RAP1GAP: variants seen among roughly 807,000 people sequenced by gnomAD.
RAP1GAP encodes the protein rap1 GTPase-activating protein 1.
Under a neutral mutation model 87.2 loss-of-function variants are expected in RAP1GAP, and 35 were observed. The ratio of observed to expected loss-of-function variants is 0.40; its 90% CI spans 0.31 to 0.53. The LOEUF is 0.53. Among genes scored for constraint, RAP1GAP ranks in the 20% least tolerant of loss-of-function variants. The pLI, the probability that RAP1GAP is intolerant of heterozygous loss-of-function variation, is 0.48. For missense variants in RAP1GAP, 734 were observed against 898.9 expected (o/e 0.82, Z 2.35); for synonymous variants, 375 against 363.9 (o/e 1.03, Z -0.35).
chr1:21,651,969 G>C (rs1364730332), intron 1 of RAP1GAP: 5 of 614,256 alleles, frequency 8.1e-6, no homozygotes, highest in Non-Finnish European at 1.0e-5. Flanking sequence ...TCCAGCTGCC[G>C]GGGGCCGCCG....
At chr1:21,611,372 T>C in intron 13 of RAP1GAP, 80 bp downstream of exon 13, 1 of 1,517,990 alleles carries the variant, frequency 6.6e-7, no homozygotes, top group Non-Finnish European at 8.9e-7. Context: ...GCGCTGAGCC[T>C]GGCGTGATGG....
Position 21,649,803 on chromosome 1 carries a change from CACA to C in RAP1GAP, c.-148-10_-148-8del, listed in dbSNP as rs1476368292. On this transcript the variant is annotated splice_polypyrimidine_tract_variant and splice_region_variant and intron_variant, in intron 1 of 24. Coordinates refer to ENST00000374765, the MANE Select transcript of RAP1GAP (RefSeq NM_002885.4). ...AGTGAAGGACTTGTCCACCCTGAAA[CACA>C]ACAAGAGGGGCCATAGGTGAGGGGA... is the stretch of plus-strand genomic sequence containing the variant. 9 of 1,551,960 alleles carry C rather than the reference CACA, an allele frequency of 5.8e-6. No individual in the cohort carries two copies. Among genetic ancestry groups the C allele is most frequent in the East Asian group, 2.4e-5 (1 of 40,938 alleles).
At chr1:21,646,878 C>A (rs545104261) in intron 2 of RAP1GAP, among the ~76,000 whole-genome samples, 2 of 152,208 alleles carry the variant, frequency 1.3e-5, no homozygotes, top group African/African-American at 4.8e-5. Flanking sequence ...CCACTGCAGA[C>A]AACCTGCTGA....
rs867980610 is a variant in RAP1GAP, at chr1:21,625,838, A to C, written c.-19+466T>G. ...CTTGGCATGAAGCAGGTACTGGGCA[A>C]ACGTTTGATTTTAACGATAATGATA... On this transcript the variant is annotated intron_variant, in intron 3 of 24. Coordinates refer to ENST00000374765, the MANE Select transcript of RAP1GAP (RefSeq NM_002885.4). Among the ~76,000 whole-genome samples the C allele has an allele frequency of 4.6e-5, 7 of 152,266 alleles. No individual in the cohort carries two copies. The South Asian group carries it at 1.5e-3, about 32-fold the overall frequency.
chr1:21,626,037 G>A (rs2091895396), intron 3 of RAP1GAP, among the ~76,000 whole-genome samples: 1 of 152,166 alleles, frequency 6.6e-6, no homozygotes, highest in African/African-American at 2.4e-5. Context: ...AAGATAGCTG[G>A]GGGGCTGGTT....
chr1:21,613,791 G>C lies in RAP1GAP; in HGVS notation c.396-85C>G, dbSNP rs1558685591. The C allele has an allele frequency of 2.2e-6, 3 of 1,375,928 alleles. No homozygotes were observed. In the East Asian group the frequency reaches 6.9e-5, roughly 31 times the overall value. 85.2% of individuals were successfully genotyped at this position (1,375,928 alleles called of 1,614,324 possible). On this transcript the variant is annotated intron_variant, in intron 8 of 24. Coordinates refer to ENST00000374765, the MANE Select transcript of RAP1GAP (RefSeq NM_002885.4). This position sits in a 1 kb window ranked among gnomAD's most constrained non-coding sequence, Gnocchi z 4.7. ...CACCCCCCACAAAGTAAGGCCAGAA[G>C]GGGGTGGACCACAGCGAGGACCAGA...
At position 21,598,458 on chromosome 1, in the gene RAP1GAP, G is replaced by A. The variant is rs745795141; in HGVS notation, c.1821C>T (p.Phe607=). Residue 607 remains phenylalanine (F), a synonymous_variant, in exon 22 of 25, where the codon TTC becomes TTT. Coordinates refer to ENST00000374765, the MANE Select transcript of RAP1GAP (RefSeq NM_002885.4). ...TGTCCTCCAGCCACGTGCTATAGATGAAGGAGTCCCGCTTGTGGGGTGTTC... is the reference window on the plus strand; with the variant it reads ...TGTCCTCCAGCCACGTGCTATAGATAAAGGAGTCCCGCTTGTGGGGTGTTC... ...SSGTPHKRDS[F]IYSTWLEDSV... 1 of 1,613,932 alleles carries A rather than the reference G, an allele frequency of 6.2e-7. No homozygotes were observed. Among genetic ancestry groups the A allele is most frequent in the African/African-American group, 1.3e-5 (1 of 74,916 alleles).
At chr1:21,612,404 A>G (rs947334) in intron 10 of RAP1GAP, among the ~76,000 whole-genome samples, 136,331 of 152,092 alleles carry the variant, frequency 0.9, 61,144 homozygotes, top group East Asian at 0.97. Flanking sequence ...TGTGAGCCCC[A>G]GTCCTGCCAT....
chr1:21,617,391 G>A lies in RAP1GAP; in HGVS notation c.206C>T (p.Thr69Ile), dbSNP rs2082942154. 6.2e-7 allele frequency: 1 copy of A among 1,603,312 alleles called. No individual in the cohort carries two copies. The highest frequency in any genetic ancestry group is 8.5e-7 in the Non-Finnish European group (1 of 1,175,156). Residue 69 changes from threonine (T) to isoleucine (I), a missense_variant, in exon 7 of 25, where the codon ACA becomes ATA. Coordinates refer to ENST00000374765, the MANE Select transcript of RAP1GAP (RefSeq NM_002885.4). ...GGTTGTGGGCGACTGCAGTGGCTCT[G>A]TCTCGGGGATGCTGGTGATTTCGTG... ...TNHEITSIPETEPLQSPTTKV... is the reference protein window; with the variant it reads ...TNHEITSIPEIEPLQSPTTKV...
intron 17 of RAP1GAP, among the ~76,000 whole-genome samples, chr1:21,607,034 C>G (rs1164781124): frequency 6.6e-6 from 1 of 152,238 alleles, no homozygotes; most frequent in East Asian, 1.9e-4. Flanking sequence ...CTGGGCAGGC[C>G]TGGGCAGCCG....
chr1:21,639,170 G>T (rs543997367), intron 2 of RAP1GAP, among the ~76,000 whole-genome samples: 2 of 152,364 alleles, frequency 1.3e-5, no homozygotes, highest in South Asian at 4.1e-4. Context: ...TCCTAGCGCG[G>T]GCTCCATGCC....
Position 21,599,516 on chromosome 1 carries a change from A to C in RAP1GAP, c.1754T>G (p.Val585Gly), listed in dbSNP as rs753144046. 3.7e-6 allele frequency: 6 copies of C among 1,609,434 alleles called. No homozygotes were observed. Among genetic ancestry groups the C allele is most frequent in the Non-Finnish European group, 4.2e-6 (5 of 1,179,926 alleles). Residue 585 changes from valine (V) to glycine (G), a missense_variant, in exon 21 of 25, where the codon GTG becomes GGG. Around this residue, in one of 2 missense-constraint regions of RAP1GAP, gnomAD observed 249 missense variants for 252.7 expected, o/e 0.99. Coordinates refer to ENST00000374765, the MANE Select transcript of RAP1GAP (RefSeq NM_002885.4). ...CACCAGGCCTGTGTCCTCTCCGTCC[A>C]CACCCTCCGTCTCCTCCACCACGCT... Reference protein sequence around the residue: ...FASVVEETEGVDGEDTGLESV... With the variant: ...FASVVEETEGGDGEDTGLESV...
chr1:21,666,107 A>G (rs710948), intron 1 of RAP1GAP, among the ~76,000 whole-genome samples: 146,099 of 152,266 alleles, frequency 0.96, 70,116 homozygotes, highest in South Asian at 0.98. Context: ...CCGAGGGAGC[A>G]TGGTGGAGCT....
chr1:21,666,075 T>G (rs931252), intron 1 of RAP1GAP, among the ~76,000 whole-genome samples: 1 of 152,078 alleles, frequency 6.6e-6, no homozygotes, highest in African/African-American at 2.4e-5. Flanking sequence ...GAATCAGCAC[T>G]CTGGCAGGCT....
chr1:21,656,981 C>T (rs1477389729), intron 1 of RAP1GAP, among the ~76,000 whole-genome samples: 4 of 152,210 alleles, frequency 2.6e-5, no homozygotes, highest in African/African-American at 9.7e-5. Flanking sequence ...GTATTGAGCA[C>T]CCACTGTGTG....
In RAP1GAP at chr1:21,669,352, C is replaced by T. The variant is rs1001100162; in HGVS notation, c.-247G>A. 8.5e-6 allele frequency: 9 copies of T among 1,064,032 alleles called. No individual in the cohort carries two copies. Among genetic ancestry groups the T allele is most frequent in the African/African-American group, 1.7e-5 (1 of 57,602 alleles). 65.9% of individuals were successfully genotyped at this position (1,064,032 alleles called of 1,614,324 possible). A position where few individuals can be genotyped will look rare whatever the true frequency, so the allele number is the denominator to read the frequency against. On this transcript the variant is annotated 5_prime_UTR_variant, in exon 1 of 25. Coordinates refer to ENST00000374765, the MANE Select transcript of RAP1GAP (RefSeq NM_002885.4). The surrounding 1 kb of genome is among the most constrained non-coding windows in gnomAD (Gnocchi z 5.6). ...ATGCGGCCGGCGCTCGCCGCCGCCGCAGTTCGGGGAGGGGGACGTCACATG... is the reference window on the plus strand; with the variant it reads ...ATGCGGCCGGCGCTCGCCGCCGCCGTAGTTCGGGGAGGGGGACGTCACATG...
intron 4 of RAP1GAP, 71 bp from the exon 5 acceptor site, chr1:21,619,143 G>A (rs377428435): frequency 1.1e-4 from 160 of 1,483,566 alleles, no homozygotes; most frequent in Admixed American, 8.4e-4. Context: ...TCCCCAAGGC[G>A]TGCAAGGGGA....
At chr1:21,598,275 G>A (rs1646423106) in intron 22 of RAP1GAP, 125 bp downstream of exon 22, 2 of 940,942 alleles carry the variant, frequency 2.1e-6, no homozygotes, top group Admixed American at 2.2e-5. Flanking sequence ...CCTGCCCGCT[G>A]TCCTCCAAGT....
chr1:21,605,159 T>C (rs1045316279), intron 18 of RAP1GAP, among the ~76,000 whole-genome samples: 12 of 151,996 alleles, frequency 7.9e-5, no homozygotes, highest in African/African-American at 2.9e-4. Flanking sequence ...CCCACAGCCA[T>C]AGGCCGTATT....
Sources: allele counts gnomAD v4.1 joint callset (sites outside exome capture counted in the v4.1 genomes callset), GRCh38; gene constraint gnomAD v4.1.1; regional missense constraint gnomAD v4.1.1; non-coding constraint Gnocchi (gnomAD v3.1); transcripts MANE v1.5; gene names NCBI Gene and HGNC (gene_info 2026-07-23, HGNC 2026-07-21).